GBF1: variants seen among roughly 807,000 people sequenced by gnomAD.
The protein encoded by GBF1 is Golgi-specific brefeldin A-resistance guanine nucleotide exchange factor 1.
In GBF1, 114 loss-of-function variants were observed where a neutral mutation model predicts 210.5. The ratio of observed to expected loss-of-function variants is 0.54; its 90% CI spans 0.47 to 0.63. The LOEUF is 0.63. Ranked by LOEUF, GBF1 falls within the 30% of genes least tolerant of loss-of-function variation. GBF1 has a pLI of 0.00. For missense variants in GBF1, 1,851 were observed against 2,357.7 expected, an observed-to-expected ratio of 0.79 and a Z score of 4.45; for synonymous variants, 850 against 889.2, an observed-to-expected ratio of 0.96 and a Z score of 0.78.
At chr10:102,234,532 G>T in the GBF1 span, among the ~76,000 whole-genome samples, 23 of 152,178 alleles carry the variant, frequency 1.5e-4, no homozygotes, top group Non-Finnish European at 4.4e-5. Context: ...TCTGATGGAA[G>T]GGAGATGTCC....
intron 35 of GBF1, 35 bp from the exon 36 acceptor site, chr10:102,379,818 C>T (rs1380265081): frequency 6.5e-7 from 1 of 1,544,760 alleles, no homozygotes; most frequent in Admixed American, 1.7e-5. Context: ...CTAGCTGAAC[C>T]TCATAGGGAG....
chr10:102,344,682 A>G (rs928178789), intron 4 of GBF1, among the ~76,000 whole-genome samples: 2 of 151,854 alleles, frequency 1.3e-5, no homozygotes, highest in Admixed American at 6.6e-5. Flanking sequence ...GGGTTTCACC[A>G]TGTTAGCCAG....
intron 3 of GBF1, among the ~76,000 whole-genome samples, chr10:102,342,418 GACAC>G (rs773345912): frequency 6.4e-4 from 97 of 150,942 alleles, no homozygotes; most frequent in African/African-American, 2.3e-3. Flanking sequence ...CTCACACACA[GACAC>G]ACACACACGT....
At chr10:102,299,378 C>T (rs986370467) in intron 3 of GBF1, among the ~76,000 whole-genome samples, 1 of 152,134 alleles carries the variant, frequency 6.6e-6, no homozygotes, top group African/African-American at 2.4e-5. Context: ...TGAAACTGTT[C>T]TGTATCCTCA....
chr10:102,381,833 A>G (rs1378217676), intron 39 of GBF1, among the ~76,000 whole-genome samples: 5 of 150,048 alleles, frequency 3.3e-5, no homozygotes, highest in East Asian at 3.9e-4. Context: ...GAAAAAAAAA[A>G]AAAAAAAAAA....
chr10:102,320,577 G>C (rs1179946073), intron 3 of GBF1, among the ~76,000 whole-genome samples: 1 of 151,806 alleles, frequency 6.6e-6, no homozygotes, highest in African/African-American at 2.4e-5. Flanking sequence ...TCCAGAGCTT[G>C]TTTCTTATTG....
chr10:102,260,485 T>TTC (rs2073069200), intron 3 of GBF1, among the ~76,000 whole-genome samples: 3 of 131,960 alleles, frequency 2.3e-5, no homozygotes, highest in Admixed American at 7.6e-5. Flanking sequence ...TCTTTTTTTT[T>TTC]TTTTTTTTTT....
chr10:102,235,172 ACCC>A, the GBF1 span, among the ~76,000 whole-genome samples: 163 of 76,994 alleles, frequency 2.1e-3, no homozygotes, highest in African/African-American at 3.0e-3. Context: ...CCCTTCCCCC[ACCC>A]CCCACCCCCC....
At chr10:102,325,153 C>T (rs543878339) in intron 3 of GBF1, among the ~76,000 whole-genome samples, 24 of 152,274 alleles carry the variant, frequency 1.6e-4, no homozygotes, top group African/African-American at 4.1e-4. Context: ...CTTTTCTCCC[C>T]GAATCTAATT....
chr10:102,321,356 A>T (rs532974111), intron 3 of GBF1, among the ~76,000 whole-genome samples: 6 of 152,178 alleles, frequency 3.9e-5, no homozygotes, highest in African/African-American at 1.2e-4. Context: ...ATTAATTTGC[A>T]TCTTTCTTTA....
intron 35 of GBF1, 35 bp from the exon 36 acceptor site, chr10:102,379,818 C>A: frequency 6.5e-7 from 1 of 1,544,758 alleles, no homozygotes; most frequent in Non-Finnish European, 8.9e-7. Flanking sequence ...CTAGCTGAAC[C>A]TCATAGGGAG....
At position 102,376,416 on chromosome 10, in the gene GBF1, A is replaced by G. The variant is rs762199211; in HGVS notation, c.4031A>G (p.Asn1344Ser). The G allele has an allele frequency of 1.2e-6, 2 of 1,614,204 alleles. No homozygotes were observed. Among genetic ancestry groups the G allele is most frequent in the African/African-American group, 2.7e-5 (2 of 75,052 alleles). The change falls in exon 31 of 40, where the codon AAC becomes AGC. Residue 1344 changes from asparagine to serine, a missense_variant. This residue lies in a region of GBF1 where 967 missense variants were observed against 1,247.7 expected (regional missense o/e 0.78). Coordinates refer to ENST00000369983, the MANE Select transcript of GBF1 (RefSeq NM_001377137.1). ...TCAGCCACAGATGCCGATGTGGTCAACAGTGGTTGGTTAGTGGTGAGTGAC... is the reference window on the plus strand; with the variant it reads ...TCAGCCACAGATGCCGATGTGGTCAGCAGTGGTTGGTTAGTGGTGAGTGAC... ...HRSATDADVV[N>S]SGWLVVGKDD...
intron 8 of GBF1, among the ~76,000 whole-genome samples, chr10:102,356,531 C>T (rs2059296798): frequency 6.6e-6 from 1 of 151,996 alleles, no homozygotes; most frequent in Admixed American, 6.6e-5. Context: ...TTTGGGAGGC[C>T]AAGGCGGGCG....
chr10:102,335,237 C>T (rs1289687706), intron 3 of GBF1, among the ~76,000 whole-genome samples: 1 of 152,134 alleles, frequency 6.6e-6, no homozygotes, highest in Admixed American at 6.5e-5. Flanking sequence ...GCCCTTTTTC[C>T]CCCAGATGAC....
At chr10:102,339,261 G>C (rs928194683) in intron 3 of GBF1, among the ~76,000 whole-genome samples, 5 of 152,186 alleles carry the variant, frequency 3.3e-5, no homozygotes, top group Non-Finnish European at 7.3e-5. Context: ...TACTCAGGAG[G>C]CTGAGGCATG....
intron 3 of GBF1, among the ~76,000 whole-genome samples, chr10:102,306,874 T>C (rs2077929523): frequency 6.6e-6 from 1 of 152,246 alleles, no homozygotes; most frequent in Admixed American, 6.5e-5. Flanking sequence ...GTCACTGACC[T>C]GTGAACTGAT....
chr10:102,359,419 G>GTCC lies in GBF1; in HGVS notation c.1168_1170dup (p.Ser390dup). The GTCC allele has an allele frequency of 1.2e-6, 2 of 1,613,500 alleles. No homozygotes were observed. The highest frequency in any genetic ancestry group is 1.7e-6 in the Non-Finnish European group (2 of 1,179,450). Reference sequence around the variant, plus strand: ...ATCCCCGGGGCGTGCGCTTTACACAGTCCTCCCAGAAAGAAGGTGGGTATT... The same window carrying GTCC: ...ATCCCCGGGGCGTGCGCTTTACACAGTCCTCCTCCCAGAAAGAAGGTGGGTATT... On this transcript the variant is annotated inframe_insertion, in exon 11 of 40. Transcript: ENST00000369983.
chr10:102,330,458 C>G (rs964255800), intron 3 of GBF1, among the ~76,000 whole-genome samples: 21 of 151,962 alleles, frequency 1.4e-4, no homozygotes, highest in Non-Finnish European at 2.9e-4. Context: ...CTGAGGCAGG[C>G]AGATCACCTC....
At chr10:102,310,183 T>A (rs1301418683) in intron 3 of GBF1, among the ~76,000 whole-genome samples, 1 of 152,230 alleles carries the variant, frequency 6.6e-6, no homozygotes, top group Non-Finnish European at 1.5e-5. Flanking sequence ...CTGTTTGATG[T>A]CAGAGTAAAA....
Sources: allele counts gnomAD v4.1 joint callset (sites outside exome capture counted in the v4.1 genomes callset), GRCh38; gene constraint gnomAD v4.1.1; regional missense constraint gnomAD v4.1.1; transcripts MANE v1.5; gene names NCBI Gene and HGNC (gene_info 2026-07-23, HGNC 2026-07-21).